Variants in IL1R2 observed in about 807,000 individuals in gnomAD.
The protein encoded by IL1R2 is interleukin 1 receptor type 2.
In IL1R2, 46 loss-of-function variants were observed where a neutral mutation model predicts 39.5. The observed-to-expected ratio is 1.16, with a 90% CI of 0.92 to 1.49. The LOEUF (loss-of-function observed/expected upper bound fraction) is 1.49, where lower values mean the gene tolerates loss of function less well. IL1R2 is among the 40% of genes most tolerant of loss of function. IL1R2 has a pLI of 0.00. For missense variants in IL1R2, 537 were observed against 502.0 expected (o/e 1.07, Z -0.67); for synonymous variants, 207 against 189.6 (o/e 1.09, Z -0.75).
At chr2:102,012,493 G>T (rs1676701712) in intron 3 of IL1R2, among the ~76,000 whole-genome samples, 1 of 152,140 alleles carries the variant, frequency 6.6e-6, no homozygotes, top group South Asian at 2.1e-4. Context: ...GTGTGTGGCA[G>T]GGTATGTGGG....
intron 3 of IL1R2, among the ~76,000 whole-genome samples, chr2:102,012,453 C>T (rs955993166): frequency 2.0e-5 from 3 of 152,144 alleles, no homozygotes; most frequent in Admixed American, 6.5e-5. Context: ...AAATTTCAGA[C>T]CACGTCATCC....
At chr2:101,997,445 G>A (rs1054533547) in intron 1 of IL1R2, among the ~76,000 whole-genome samples, 2 of 152,196 alleles carry the variant, frequency 1.3e-5, no homozygotes, top group Non-Finnish European at 2.9e-5. Context: ...GGAGCACCAG[G>A]AAAGCCAAGG....
rs117508352 is a variant in IL1R2 at position 102,018,756 on chromosome 2, G to A, written c.514-882G>A. 9.5e-4 allele frequency among the ~76,000 whole-genome samples: 145 copies of A among 152,198 alleles called. 4 individuals are homozygous for A. In the East Asian group the frequency reaches 0.023, roughly 25 times the overall value. The stretch of plus-strand genomic sequence containing the variant: ...GTGAAGTCAAAACTCAAACCCAGGA[G>A]GCCAGTTCCCATACACCACTGGAAT... On this transcript the variant is annotated intron_variant, in intron 4 of 8. Transcript: ENST00000332549.
intron 6 of IL1R2, 142 bp from the exon 7 acceptor site, chr2:102,024,391 G>C (rs772714249): frequency 9.1e-6 from 6 of 656,384 alleles, no homozygotes; most frequent in Non-Finnish European, 1.7e-5. Context: ...AGAATCATTT[G>C]AGAAAACTAA....
chr2:102,010,061 A>G (rs1217726035), intron 3 of IL1R2: 1 of 548,364 alleles, frequency 1.8e-6, no homozygotes, highest in Non-Finnish European at 3.3e-6. Context: ...TAGCCATTTT[A>G]GCTGACACCG....
At position 102,028,287 on chromosome 2, in the gene IL1R2, G is replaced by C. The variant is rs145225100; in HGVS notation, c.1092G>C (p.Leu364Phe). 4 of 1,612,550 alleles carry C rather than the reference G, an allele frequency of 2.5e-6. No individual in the cohort carries two copies. The African/African-American group carries it at 5.3e-5, about 22-fold the overall frequency. Residue 364 changes from leucine (L) to phenylalanine (F), a missense_variant, in exon 9 of 9, where the codon TTG becomes TTC. Transcript: ENST00000332549. ...LAPLSLAFLVLGGIWMHRRCK... is the reference protein window; with the variant it reads ...LAPLSLAFLVFGGIWMHRRCK... Reference sequence around the variant, plus strand: ...CACTTTCACTGGCCTTCTTGGTTTTGGGGGGAATATGGATGCACAGACGGT... The same window carrying C: ...CACTTTCACTGGCCTTCTTGGTTTTCGGGGGAATATGGATGCACAGACGGT...
intron 1 of IL1R2, among the ~76,000 whole-genome samples, chr2:102,007,311 T>A (rs1676329524): frequency 6.6e-6 from 1 of 152,190 alleles, no homozygotes; most frequent in African/African-American, 2.4e-5. Flanking sequence ...CTTTTCTCCC[T>A]GGGATGCTGT....
At position 102,009,685 on chromosome 2, in the gene IL1R2, G is replaced by C. The variant is rs753245222; in HGVS notation, c.191G>C (p.Arg64Pro). The change falls in exon 3 of 9, where the codon CGC becomes CCC. Residue 64 changes from arginine to proline, a missense_variant. By Grantham distance (103) the Arg-to-Pro change is moderately radical (BLOSUM62 -2). Transcript: ENST00000332549. ...PYWLWASVSP[R>P]INLTWHKNDS... The stretch of plus-strand genomic sequence containing the variant: ...TGGTTGTGGGCCTCTGTCAGCCCCC[G>C]CATCAACCTGACATGGCATAAAAAT... 1.2e-6 allele frequency: 2 copies of C among 1,614,062 alleles called. No individual in the cohort carries two copies. Among genetic ancestry groups the C allele is most frequent in the Admixed American group, 1.7e-5 (1 of 59,994 alleles).
chr2:102,008,416 T>C, intron 1 of IL1R2, 99 bp from the exon 2 acceptor site: 1 of 645,844 alleles, frequency 1.5e-6, no homozygotes, highest in Non-Finnish European at 2.8e-6. Context: ...AGGTTCCCAT[T>C]ATCCAGTGAA....
chr2:102,013,915 G>A (rs896853911), intron 3 of IL1R2, among the ~76,000 whole-genome samples: 1 of 152,116 alleles, frequency 6.6e-6, no homozygotes, highest in African/African-American at 2.4e-5. Context: ...TACACCATGT[G>A]CTCAGAATAG....
chr2:102,008,571 G>T lies in IL1R2; in HGVS notation c.-5G>T. 3.1e-6 allele frequency: 5 copies of T among 1,613,838 alleles called. No individual in the cohort carries two copies. The highest frequency in any genetic ancestry group is 4.2e-6 in the Non-Finnish European group (5 of 1,179,778). ...TCCCGTGTCCTCTGGAAGTTGTCAG[G>T]AGCAATGTTGCGCTTGTACGTGTTG... On this transcript the variant is annotated 5_prime_UTR_variant, in exon 2 of 9. Transcript: ENST00000332549.
At chr2:102,016,830 G>A (rs3218910) in intron 4 of IL1R2, among the ~76,000 whole-genome samples, 34,378 of 152,068 alleles carry the variant, frequency 0.23, 4,718 homozygotes, top group Non-Finnish European at 0.27. Flanking sequence ...AACCACTTAC[G>A]CATCTGTGTT....
intron 3 of IL1R2, 129 bp downstream of exon 3, chr2:102,009,955 C>T: frequency 9.1e-7 from 1 of 1,098,744 alleles, no homozygotes. Context: ...ACATTGCATC[C>T]CGTTTGCTGT....
chr2:102,028,340 G>A lies in IL1R2; in HGVS notation c.1145G>A (p.Gly382Asp), dbSNP rs756650262. The stretch of plus-strand genomic sequence containing the variant: ...AAACACAGAACTGGAAAAGCAGATG[G>A]TCTGACTGTGCTATGGCCTCATCAT... Reference protein sequence around the residue: ...RCKHRTGKADGLTVLWPHHQD... With the variant: ...RCKHRTGKADDLTVLWPHHQD... Residue 382 changes from glycine (G) to aspartate (D), a missense_variant, in exon 9 of 9, where the codon GGT (glycine) becomes GAT (aspartate). Transcript: ENST00000332549. 1.2e-6 allele frequency: 2 copies of A among 1,610,502 alleles called. No homozygotes were observed. Among genetic ancestry groups the A allele is most frequent in the African/African-American group, 1.3e-5 (1 of 74,906 alleles).
At chr2:101,993,706 T>G (rs2150415595) in intron 1 of IL1R2, among the ~76,000 whole-genome samples, 1 of 152,324 alleles carries the variant, frequency 6.6e-6, no homozygotes, top group East Asian at 1.9e-4. Context: ...GCTCTTGCTG[T>G]TTGAAGCTCC....
At chr2:102,005,980 T>A (rs1676237496) in intron 1 of IL1R2, among the ~76,000 whole-genome samples, 1 of 152,180 alleles carries the variant, frequency 6.6e-6, no homozygotes, top group Non-Finnish European at 1.5e-5. Flanking sequence ...TAATACATCC[T>A]CTGTAAAATC....
Position 102,009,774 on chromosome 2 carries a change from T to C in IL1R2, c.280T>C (p.Trp94Arg), listed in dbSNP as rs765986681. The C allele has an allele frequency of 1.2e-6, 2 of 1,614,216 alleles. No individual in the cohort carries two copies. The highest frequency in any genetic ancestry group is 1.7e-6 in the Non-Finnish European group (2 of 1,180,028). ...GATGTGGGCCCAGGACGGTGCTCTG[T>C]GGCTTCTGCCAGCCTTGCAGGAGGA... is the stretch of plus-strand genomic sequence containing the variant. The part of the protein sequence containing the change: ...TRMWAQDGAL[W>R]LLPALQEDSG... The change falls in exon 3 of 9, where the codon TGG becomes CGG. Residue 94 changes from tryptophan (W) to arginine (R), a missense_variant. Transcript: ENST00000332549.
chr2:102,015,951 A>G lies in IL1R2; in HGVS notation c.413A>G (p.Tyr138Cys). ...GATGCTTTCCTGCCGTTCATCTCAT[A>G]CCCGCAAATTTTAACCTTGTCAACC... ...NTDAFLPFIS[Y>C]PQILTLSTSG... The change falls in exon 4 of 9, where the codon TAC becomes TGC. Residue 138 changes from tyrosine to cysteine, a missense_variant. Tyr to Cys is a radical substitution (Grantham distance 194). Coordinates refer to ENST00000332549, the MANE Select transcript of IL1R2 (RefSeq NM_004633.4). The G allele has an allele frequency of 6.2e-7, 1 of 1,613,960 alleles. No individual in the cohort carries two copies. Among genetic ancestry groups the G allele is most frequent in the South Asian group, 1.1e-5 (1 of 91,084 alleles).
intron 1 of IL1R2, among the ~76,000 whole-genome samples, chr2:101,993,047 G>A (rs374168771): frequency 7.9e-5 from 12 of 152,228 alleles, no homozygotes; most frequent in East Asian, 1.9e-4. Context: ...ACAAGATAGC[G>A]GACCACTGAG....
Sources: gnomAD v4.1 joint callset for allele counts (sites outside exome capture counted in the v4.1 genomes callset) on GRCh38, gnomAD v4.1.1 for gene constraint, MANE v1.5 for transcripts, NCBI Gene and HGNC (gene_info 2026-07-23, HGNC 2026-07-21) for gene names.